Variants in CNTNAP2 observed in about 807,000 individuals in gnomAD.
CNTNAP2 encodes the protein contactin associated protein 2, also known as contactin-associated protein-like 2.
In CNTNAP2, 98 loss-of-function variants were observed where a neutral mutation model predicts 155.2. The ratio of observed to expected loss-of-function variants is 0.63; its 90% CI spans 0.54 to 0.75. The LOEUF (loss-of-function observed/expected upper bound fraction) is 0.75. Ranked by LOEUF, CNTNAP2 falls within the 30% of genes least tolerant of loss-of-function variation. The pLI is 0.00. For missense variants in CNTNAP2, 1,727 were observed against 1,688.1 expected (o/e 1.02, Z -0.40); for synonymous variants, 651 against 631.2 (o/e 1.03, Z -0.47).
At chr7:146,145,512 C>G (rs1002454317) in intron 1 of CNTNAP2, among the ~76,000 whole-genome samples, 3 of 152,174 alleles carry the variant, frequency 2.0e-5, no homozygotes, top group African/African-American at 7.2e-5. Flanking sequence ...GTACCAAAGT[C>G]TTTTTGTGTC....
rs146579007 is a variant in CNTNAP2 at position 146,914,004 on chromosome 7, A to G, written c.402+74100A>G. On this transcript the variant is annotated intron_variant, in intron 3 of 23. Transcript: ENST00000361727. Reference sequence around the variant, plus strand: ...CCACTTATGAGTGAGAACATACGATATTTGATTTTCCATTCCTGAGTTACT... The same window carrying G: ...CCACTTATGAGTGAGAACATACGATGTTTGATTTTCCATTCCTGAGTTACT... 9.2e-3 allele frequency among the ~76,000 whole-genome samples: 1,393 copies of G among 152,092 alleles called. 16 individuals carry two copies. The highest frequency in any genetic ancestry group is 0.032 in the African/African-American group (1,321 of 41,486).
chr7:146,136,934 G>C (rs1343663361), intron 1 of CNTNAP2, among the ~76,000 whole-genome samples: 1 of 152,174 alleles, frequency 6.6e-6, no homozygotes, highest in African/African-American at 2.4e-5. Context: ...TTAGCACCAA[G>C]TTGTGTGATT....
intron 9 of CNTNAP2, among the ~76,000 whole-genome samples, chr7:147,314,407 A>AGAGTCTTGCTCTGTCCCC (rs1264327990): frequency 4.6e-5 from 7 of 151,816 alleles, no homozygotes; most frequent in South Asian, 2.1e-4. Flanking sequence ...TATCTCATTC[A>AGAGTCTTGCTCTGTCCCC]CTGAAGTTAA....
intron 1 of CNTNAP2, among the ~76,000 whole-genome samples, chr7:146,460,978 T>C (rs1160907439): frequency 6.6e-6 from 1 of 152,188 alleles, no homozygotes; most frequent in African/African-American, 2.4e-5. Flanking sequence ...TCCCAAATGT[T>C]CTCAGCACAA....
intron 1 of CNTNAP2, among the ~76,000 whole-genome samples, chr7:146,346,692 G>A (rs866896270): frequency 2.6e-5 from 4 of 151,940 alleles, no homozygotes; most frequent in African/African-American, 9.7e-5. Context: ...GGGTGACAGA[G>A]CAAGACTCGG....
intron 1 of CNTNAP2, among the ~76,000 whole-genome samples, chr7:146,764,217 C>T (rs1043149818): frequency 1.3e-4 from 20 of 152,068 alleles, no homozygotes; most frequent in African/African-American, 3.9e-4. Context: ...TTGACCTTGA[C>T]GGTCTTCAGA....
At chr7:147,775,283 A>G (rs1797550623) in intron 13 of CNTNAP2, among the ~76,000 whole-genome samples, 1 of 94,754 alleles carries the variant, frequency 1.1e-5, no homozygotes, top group African/African-American at 5.0e-5. Context: ...ATATATTTAT[A>G]AATATATATA....
chr7:148,069,754 C>T lies in CNTNAP2; in HGVS notation c.2384-48364C>T, dbSNP rs201374822. ...CAGCCTGGGTGACAGACAAAGACTC[C>T]GTCTCAAAAAAAAAAAAAAAAAGAA... On this transcript the variant is annotated intron_variant, in intron 15 of 23. Transcript: ENST00000361727. Among the ~76,000 whole-genome samples, 32 of 135,976 alleles carry T rather than the reference C, an allele frequency of 2.4e-4. No individual in the cohort carries two copies. The East Asian group carries it at 5.6e-3, about 24-fold the overall frequency. 89.2% of individuals were successfully genotyped at this position (135,976 alleles called of 152,430 possible).
chr7:146,453,945 G>A, intron 1 of CNTNAP2, among the ~76,000 whole-genome samples: 1 of 151,990 alleles, frequency 6.6e-6, no homozygotes. Context: ...TGGAGAAGCA[G>A]GAGAAATGTT....
chr7:147,815,048 A>G (rs1376439292), intron 13 of CNTNAP2, among the ~76,000 whole-genome samples: 4 of 152,272 alleles, frequency 2.6e-5, no homozygotes, highest in African/African-American at 9.6e-5. Context: ...GTGGTTCCTC[A>G]TATACACTGT....
chr7:146,941,936 A>C (rs1403182329), intron 3 of CNTNAP2, among the ~76,000 whole-genome samples: 1 of 151,844 alleles, frequency 6.6e-6, no homozygotes, highest in Non-Finnish European at 1.5e-5. Context: ...CTTTGTCTTC[A>C]ATTTTTGATA....
At chr7:148,022,259 G>A (rs2116919769) in intron 15 of CNTNAP2, among the ~76,000 whole-genome samples, 1 of 152,168 alleles carries the variant, frequency 6.6e-6, no homozygotes, top group African/African-American at 2.4e-5. Flanking sequence ...CCTGAGCTCA[G>A]GAGTTCGAGA....
intron 1 of CNTNAP2, among the ~76,000 whole-genome samples, chr7:146,683,374 G>T (rs1800539328): frequency 6.6e-6 from 1 of 152,068 alleles, no homozygotes; most frequent in South Asian, 2.1e-4. Context: ...GCGGGGAGTG[G>T]GAATCCTTGT....
intron 1 of CNTNAP2, among the ~76,000 whole-genome samples, chr7:146,156,461 CA>C (rs894006744): frequency 6.0e-5 from 9 of 151,088 alleles, no homozygotes; most frequent in East Asian, 1.9e-4. Flanking sequence ...TAATTTTTTG[CA>C]AAAAAAAGAA....
At chr7:146,406,103 G>A (rs537695937) in intron 1 of CNTNAP2, among the ~76,000 whole-genome samples, 3 of 152,320 alleles carry the variant, frequency 2.0e-5, no homozygotes, top group Admixed American at 1.3e-4. Context: ...GAGGTTCAGA[G>A]CTAAGTGGAT....
chr7:146,320,538 TC>T (rs1286859088), intron 1 of CNTNAP2, among the ~76,000 whole-genome samples: 1 of 152,192 alleles, frequency 6.6e-6, no homozygotes. Flanking sequence ...GAATTGATCT[TC>T]CTTCCCTTCT....
intron 8 of CNTNAP2, among the ~76,000 whole-genome samples, chr7:147,258,194 ATTTG>A (rs1804373599): frequency 6.8e-6 from 1 of 147,254 alleles, no homozygotes; most frequent in Admixed American, 6.7e-5. Flanking sequence ...TATTAAGTGA[ATTTG>A]TTTTTTTATT....
intron 3 of CNTNAP2, among the ~76,000 whole-genome samples, chr7:146,889,540 A>G (rs1795736751): frequency 6.6e-6 from 1 of 152,074 alleles, no homozygotes; most frequent in Non-Finnish European, 1.5e-5. Flanking sequence ...AATGAGCTGT[A>G]ATTTGCTTTA....
chr7:146,899,297 C>T (rs576122203), intron 3 of CNTNAP2, among the ~76,000 whole-genome samples: 1 of 152,284 alleles, frequency 6.6e-6, no homozygotes, highest in African/African-American at 2.4e-5. Flanking sequence ...ATTTCTTACC[C>T]AGTTGCCAAC....
Sources: allele counts gnomAD v4.1 joint callset (sites outside exome capture counted in the v4.1 genomes callset), GRCh38; gene constraint gnomAD v4.1.1; transcripts MANE v1.5; gene names NCBI Gene and HGNC (gene_info 2026-07-23, HGNC 2026-07-21).